The following MTDH variants were observed in gnomAD, a reference collection of about 807,000 sequenced individuals.
MTDH encodes the protein protein LYRIC.
MTDH carries 34 observed loss-of-function variants against 72.7 expected under a neutral mutation model. The observed-to-expected ratio is 0.47, with a 90% CI of 0.36 to 0.62. MTDH has a LOEUF of 0.62. MTDH is among the 20% of genes least tolerant of loss of function. The pLI, the probability that MTDH is intolerant of heterozygous loss-of-function variation, is 0.00. For missense variants in MTDH, 677 were observed against 699.4 expected, an observed-to-expected ratio of 0.97 and a Z score of 0.36; for synonymous variants, 266 against 268.9, an observed-to-expected ratio of 0.99 and a Z score of 0.10.
In MTDH at chr8:97,727,912, T is replaced by G. The variant is rs1166078886; in HGVS notation, c.*3242T>G. The G allele has an allele frequency of 6.6e-6, 1 of 152,188 alleles. No individual in the cohort carries two copies. The highest frequency in any genetic ancestry group is 1.9e-4 in the East Asian group (1 of 5,198). 9.4% of individuals were successfully genotyped at this position (152,188 alleles called of 1,614,324 possible). ...GTATTAAAATGTGATTGATGTAATTTACCATGTTTACTTTATGCATGCATT... is the reference window on the plus strand; with the variant it reads ...GTATTAAAATGTGATTGATGTAATTGACCATGTTTACTTTATGCATGCATT... On this transcript the variant is annotated 3_prime_UTR_variant, in exon 12 of 12. Transcript: ENST00000336273.
chr8:97,730,005 T>C lies in MTDH; in HGVS notation c.*5335T>C, dbSNP rs1341102625. The stretch of plus-strand genomic sequence containing the variant: ...TCTAAGTACTCTAACAGGACGATGA[T>C]TTCTAACCCTAGCATCATGACATGT... On this transcript the variant is annotated 3_prime_UTR_variant, in exon 12 of 12. Transcript: ENST00000336273. 2.0e-5 allele frequency among the ~76,000 whole-genome samples: 3 copies of C among 152,224 alleles called. No homozygotes were observed. Among genetic ancestry groups the C allele is most frequent in the African/African-American group, 7.2e-5 (3 of 41,446 alleles).
At chr8:97,685,708 C>A (rs1204590638) in intron 2 of MTDH, among the ~76,000 whole-genome samples, 1 of 149,814 alleles carries the variant, frequency 6.7e-6, no homozygotes, top group African/African-American at 2.5e-5. Context: ...TACAGTGAGC[C>A]GAGATCACGC....
intron 4 of MTDH, among the ~76,000 whole-genome samples, chr8:97,687,986 C>T (rs1056824311): frequency 6.6e-6 from 1 of 152,144 alleles, no homozygotes; most frequent in African/African-American, 2.4e-5. Flanking sequence ...AGCTTTCATT[C>T]CAAGATGAAT....
intron 2 of MTDH, among the ~76,000 whole-genome samples, chr8:97,679,755 C>T (rs1812995058): frequency 6.6e-6 from 1 of 152,004 alleles, no homozygotes; most frequent in Admixed American, 6.6e-5. Flanking sequence ...AATTTTTTCC[C>T]ATGGAAGTAT....
At position 97,690,817 on chromosome 8, in the gene MTDH, G is replaced by A. The variant is rs779487055; in HGVS notation, c.812-135G>A. On this transcript the variant is annotated intron_variant, in intron 5 of 11. Transcript: ENST00000336273. ...TCAAGCCTCCTGTTTTTAAATTAAG[G>A]CAATCCTTGGTGATCAAAGGATAGT... 2.0e-5 allele frequency: 13 copies of A among 643,108 alleles called. 1 individual carries two copies. In the Admixed American group the frequency reaches 2.4e-4, roughly 12 times the overall value. The allele number at this position is 643,108 out of a possible 1,614,324, so 39.8% of individuals were successfully genotyped here. A position where few individuals can be genotyped will look rare whatever the true frequency, so the allele number is the denominator to read the frequency against.
At chr8:97,712,037 C>T (rs901151488) in intron 8 of MTDH, among the ~76,000 whole-genome samples, 6 of 152,006 alleles carry the variant, frequency 3.9e-5, no homozygotes, top group South Asian at 2.1e-4. Context: ...TGCTATGGTT[C>T]TTGTTTGTTC....
rs142692775 is a variant in MTDH at position 97,706,261 on chromosome 8, A to G, written c.1148-365A>G. ...ATTAATTCCAAACCCTAGACAATAAATCAATTACAAAAATGTTATAATAAT... is the reference window on the plus strand; with the variant it reads ...ATTAATTCCAAACCCTAGACAATAAGTCAATTACAAAAATGTTATAATAAT... On this transcript the variant is annotated intron_variant, in intron 7 of 11. Transcript: ENST00000336273. Among the ~76,000 whole-genome samples, 255 of 152,320 alleles carry G rather than the reference A, an allele frequency of 1.7e-3. 1 individual carries two copies. In the East Asian group the frequency reaches 0.043, roughly 25 times the overall value.
At chr8:97,711,323 A>C (rs1305277457) in intron 8 of MTDH, among the ~76,000 whole-genome samples, 1 of 148,524 alleles carries the variant, frequency 6.7e-6, no homozygotes, top group East Asian at 2.0e-4. Flanking sequence ...ACATAGCAAG[A>C]CCCTATCTCT....
At chr8:97,672,984 A>G (rs1780661831) in intron 2 of MTDH, among the ~76,000 whole-genome samples, 1 of 152,176 alleles carries the variant, frequency 6.6e-6, no homozygotes, top group Admixed American at 6.6e-5. Context: ...CAGAGGTTTT[A>G]TTTGAGTGGA....
At chr8:97,646,951 C>T (rs181918051) in intron 1 of MTDH, among the ~76,000 whole-genome samples, 433 of 152,296 alleles carry the variant, frequency 2.8e-3, no homozygotes, top group African/African-American at 8.7e-3. Flanking sequence ...CATTACATTA[C>T]ACACATAAAA....
chr8:97,662,958 A>G (rs527868996), intron 2 of MTDH, among the ~76,000 whole-genome samples: 5 of 152,168 alleles, frequency 3.3e-5, no homozygotes, highest in African/African-American at 1.2e-4. Context: ...GTTTTGGGAA[A>G]TAATTAAATT....
chr8:97,663,872 G>T (rs2130939550), intron 2 of MTDH, among the ~76,000 whole-genome samples: 2 of 151,832 alleles, frequency 1.3e-5, no homozygotes, highest in African/African-American at 4.8e-5. Flanking sequence ...TGAGAAATTT[G>T]AGGCTTATGT....
chr8:97,706,873 G>A, intron 8 of MTDH, 123 bp downstream of exon 8: 2 of 1,127,394 alleles, frequency 1.8e-6, no homozygotes, highest in Non-Finnish European at 2.4e-6. Context: ...GAGCCCAGGA[G>A]TTCAAGGCCA....
rs560778635 is a variant in MTDH, at chr8:97,681,194, A to G, written c.484-5474A>G. Among the ~76,000 whole-genome samples, 6 of 152,292 alleles carry G rather than the reference A, an allele frequency of 3.9e-5. No homozygotes were observed. The South Asian group carries it at 1.2e-3, about 32-fold the overall frequency. On this transcript the variant is annotated intron_variant, in intron 2 of 11. Transcript: ENST00000336273. Reference sequence around the variant, plus strand: ...TAGGGGAGCAGATGATTCAGGTGCAAAGAAAATCACTCCAGCACTTTGTTC... The same window carrying G: ...TAGGGGAGCAGATGATTCAGGTGCAGAGAAAATCACTCCAGCACTTTGTTC...
intron 1 of MTDH, among the ~76,000 whole-genome samples, chr8:97,660,189 G>GTT (rs1812124250): frequency 6.6e-6 from 1 of 152,150 alleles, no homozygotes; most frequent in Admixed American, 6.6e-5. Context: ...AATGATTCTG[G>GTT]TTAAAAGCCA....
chr8:97,667,288 C>T (rs1037071574), intron 2 of MTDH, among the ~76,000 whole-genome samples: 1 of 152,124 alleles, frequency 6.6e-6, no homozygotes, highest in Non-Finnish European at 1.5e-5. Flanking sequence ...TTTTTACTGC[C>T]ATCTACTCAC....
chr8:97,685,940 G>A (rs1813345815), intron 2 of MTDH, among the ~76,000 whole-genome samples: 1 of 152,138 alleles, frequency 6.6e-6, no homozygotes, highest in African/African-American at 2.4e-5. Context: ...TGAAAGGATA[G>A]AATAATATTA....
chr8:97,705,601 G>C (rs909063697), intron 7 of MTDH, among the ~76,000 whole-genome samples: 1 of 151,930 alleles, frequency 6.6e-6, no homozygotes, highest in Non-Finnish European at 1.5e-5. Context: ...CTCCGTCTTG[G>C]GGAAAAAAAT....
At chr8:97,712,461 C>A (rs1814677485) in intron 8 of MTDH, among the ~76,000 whole-genome samples, 1 of 152,116 alleles carries the variant, frequency 6.6e-6, no homozygotes, top group African/African-American at 2.4e-5. Flanking sequence ...TCTGGATGTA[C>A]CTCAGTTTCT....
Sources: allele counts gnomAD v4.1 joint callset (sites outside exome capture counted in the v4.1 genomes callset), GRCh38; gene constraint gnomAD v4.1.1; transcripts MANE v1.5; gene names NCBI Gene and HGNC (gene_info 2026-07-23, HGNC 2026-07-21).